The following SLC12A1 variants were observed in gnomAD, a reference collection of about 807,000 sequenced individuals.
SLC12A1 encodes solute carrier family 12 member 1.
In SLC12A1, 89 loss-of-function variants were observed where a neutral mutation model predicts 130.4. The ratio of observed to expected loss-of-function variants is 0.68; its 90% CI spans 0.58 to 0.81. The LOEUF (loss-of-function observed/expected upper bound fraction) is 0.81, where lower values mean the gene tolerates loss of function less well. Ranked by LOEUF, SLC12A1 falls within the 40% of genes least tolerant of loss-of-function variation. The pLI is 0.00. For synonymous variants in SLC12A1, 499 were observed against 460.0 expected, an observed-to-expected ratio of 1.08 and a Z score of -1.09; for missense variants, 1,310 against 1,336.4, an observed-to-expected ratio of 0.98 and a Z score of 0.31.
Position 48,208,125 on chromosome 15 carries a change from GAGC to G in SLC12A1, c.408_410del (p.Gln137del), listed in dbSNP as rs2041004693. 3 of 1,585,574 alleles carry G rather than the reference GAGC, an allele frequency of 1.9e-6. No individual in the cohort carries two copies. In the African/African-American group the frequency reaches 4.1e-5, roughly 21 times the overall value. On this transcript the variant is annotated inframe_deletion, in exon 2 of 27. Coordinates refer to ENST00000380993, the MANE Select transcript of SLC12A1 (RefSeq NM_000338.3). ...CCGACCCAGCCTGCTTGAGATTCAC[GAGC>G]AACTCGCAAAGGTAAGCTTGAAGGA...
intron 5 of SLC12A1, 144 bp downstream of exon 5, chr15:48,226,715 C>A (rs1189082136): frequency 4.5e-6 from 3 of 665,418 alleles, no homozygotes; most frequent in African/African-American, 3.7e-5. Context: ...CCAAAGAAAA[C>A]CTAAGGTACG....
intron 11 of SLC12A1, among the ~76,000 whole-genome samples, chr15:48,246,490 T>C (rs1265016238): frequency 2.0e-5 from 3 of 152,196 alleles, no homozygotes; most frequent in African/African-American, 7.2e-5. Flanking sequence ...AAATTAAGAA[T>C]GTGAGAATGG....
In SLC12A1 at chr15:48,226,346, A is replaced by G. The variant is rs1188715634; in HGVS notation, c.629-130A>G. On this transcript the variant is annotated intron_variant, in intron 4 of 26. Transcript: ENST00000380993. ...CCAGGCAAACCAGTTTCTCCTTAGCACAAAGAAACCCCGTTGGAGCCCGAG... is the reference window on the plus strand; with the variant it reads ...CCAGGCAAACCAGTTTCTCCTTAGCGCAAAGAAACCCCGTTGGAGCCCGAG... 9.6e-5 allele frequency: 57 copies of G among 594,006 alleles called. No individual in the cohort carries two copies. The East Asian group carries it at 1.8e-3, about 18-fold the overall frequency. 36.8% of individuals were successfully genotyped at this position (594,006 alleles called of 1,614,324 possible).
chr15:48,220,138 GA>G (rs2041187676), intron 2 of SLC12A1, among the ~76,000 whole-genome samples: 1 of 127,950 alleles, frequency 7.8e-6, no homozygotes, highest in Admixed American at 7.3e-5. Flanking sequence ...AAGGTAGATA[GA>G]TAGATAGATA....
At chr15:48,208,768 G>T (rs1182450034) in intron 2 of SLC12A1, among the ~76,000 whole-genome samples, 1 of 152,208 alleles carries the variant, frequency 6.6e-6, no homozygotes, top group Non-Finnish European at 1.5e-5. Context: ...CAGTATTAAT[G>T]TCTCTATGTC....
chr15:48,255,721 A>T, intron 15 of SLC12A1, 90 bp from the exon 16 acceptor site: 1 of 834,156 alleles, frequency 1.2e-6, no homozygotes, highest in Non-Finnish European at 1.9e-6. Flanking sequence ...AGCCAAGGAA[A>T]ATCATAGAAG....
intron 26 of SLC12A1, 48 bp downstream of exon 26, chr15:48,301,430 G>A (rs780127500): frequency 7.8e-7 from 1 of 1,281,802 alleles, no homozygotes; most frequent in South Asian, 1.4e-5. Context: ...AAATCTTAGG[G>A]TTAATGGGTT....
intron 18 of SLC12A1, among the ~76,000 whole-genome samples, chr15:48,267,976 C>A (rs2041851703): frequency 6.6e-6 from 1 of 152,162 alleles, no homozygotes; most frequent in Non-Finnish European, 1.5e-5. Flanking sequence ...TATTGAAATG[C>A]AAATTTGTTC....
Position 48,234,912 on chromosome 15 carries a change from A to T in SLC12A1, c.1123A>T (p.Thr375Ser). The stretch of plus-strand genomic sequence containing the variant: ...TGCAGAAAACTTTGGGCCACGCTTC[A>T]CAAAGGGTGAAGGCTTCTTCTCTGT... Reference protein sequence around the residue: ...IFAENFGPRFTKGEGFFSVFA... With the variant: ...IFAENFGPRFSKGEGFFSVFA... Residue 375 changes from threonine (T) to serine (S), a missense_variant, in exon 9 of 27, where the codon ACA (threonine) becomes TCA (serine). Physicochemically the swap from Thr to Ser is moderately conservative, Grantham distance 58. Transcript: ENST00000380993. 1 of 1,613,860 alleles carries T rather than the reference A, an allele frequency of 6.2e-7. No individual in the cohort carries two copies. The highest frequency in any genetic ancestry group is 1.3e-5 in the African/African-American group (1 of 75,022).
chr15:48,274,338 T>C (rs562496520), intron 19 of SLC12A1, among the ~76,000 whole-genome samples: 2 of 152,332 alleles, frequency 1.3e-5, no homozygotes, highest in Admixed American at 1.3e-4. Context: ...ATAGTATTAT[T>C]TGAACAAATT....
At chr15:48,236,331 CCTGAGCATAAAGCAAAGT>C in intron 9 of SLC12A1, among the ~76,000 whole-genome samples, 1 of 152,052 alleles carries the variant, frequency 6.6e-6, no homozygotes, top group East Asian at 1.9e-4. Flanking sequence ...AATTTTTGAA[CCTGAGCATAAAGCAAAGT>C]CTGGATGCTG....
chr15:48,269,141 A>ATGGC (rs1236667489), intron 18 of SLC12A1, among the ~76,000 whole-genome samples: 1 of 152,224 alleles, frequency 6.6e-6, no homozygotes, highest in African/African-American at 2.4e-5. Context: ...GATATGGAAG[A>ATGGC]TGGCTATTAA....
At chr15:48,276,519 A>G (rs2141100126) in intron 20 of SLC12A1, among the ~76,000 whole-genome samples, 1 of 152,310 alleles carries the variant, frequency 6.6e-6, no homozygotes, top group African/African-American at 2.4e-5. Context: ...CTGAGGGGTG[A>G]TCATGTGAAG....
At chr15:48,267,492 C>G in intron 17 of SLC12A1, 69 bp from the exon 18 acceptor site, 1 of 1,558,988 alleles carries the variant, frequency 6.4e-7, no homozygotes, top group Non-Finnish European at 8.8e-7. Context: ...TATTTTTGTC[C>G]TTTAGAAAAC....
chr15:48,269,724 G>C lies in SLC12A1; in HGVS notation c.2362G>C (p.Ala788Pro). Reference sequence around the variant, plus strand: ...TGGATATAAGAAAAACTGGAGGAAAGCTCCCTTGACAGAGATTGAGAACTA... The same window carrying C: ...TGGATATAAGAAAAACTGGAGGAAACCTCCCTTGACAGAGATTGAGAACTA... ...VIGYKKNWRK[A>P]PLTEIENYVG... Residue 788 changes from alanine to proline, a missense_variant, in exon 19 of 27, where the codon GCT becomes CCT. Ala to Pro is a conservative substitution (Grantham distance 27). Coordinates refer to ENST00000380993, the MANE Select transcript of SLC12A1 (RefSeq NM_000338.3). 1 of 1,611,406 alleles carries C rather than the reference G, an allele frequency of 6.2e-7. No individual in the cohort carries two copies. Among genetic ancestry groups the C allele is most frequent in the Non-Finnish European group, 8.5e-7 (1 of 1,177,866 alleles).
intron 7 of SLC12A1, among the ~76,000 whole-genome samples, chr15:48,231,416 A>G (rs2041375981): frequency 6.6e-6 from 1 of 152,176 alleles, no homozygotes; most frequent in Admixed American, 6.5e-5. Flanking sequence ...AAAACACAGA[A>G]CCCTACTTTA....
Position 48,247,399 on chromosome 15 carries a change from C to A in SLC12A1, c.1623C>A (p.Asn541Lys), listed in dbSNP as rs1240745076. ...TTTTTGCAAAGGGATATGGGAAAAA[C>A]AATGAACCCCTGAGAGGATATATTC... ...LQFFAKGYGK[N>K]NEPLRGYILT... The change falls in exon 13 of 27, where the codon AAC becomes AAA. Residue 541 changes from asparagine to lysine, a missense_variant. By Grantham distance (94) the Asn-to-Lys change is moderately conservative. Transcript: ENST00000380993. The A allele has an allele frequency of 5.0e-6, 8 of 1,611,034 alleles. No individual in the cohort carries two copies. Among genetic ancestry groups the A allele is most frequent in the Non-Finnish European group, 6.8e-6 (8 of 1,177,346 alleles).
intron 24 of SLC12A1, among the ~76,000 whole-genome samples, chr15:48,292,714 G>A (rs1044715346): frequency 3.3e-5 from 5 of 152,098 alleles, no homozygotes; most frequent in East Asian, 1.9e-4. Flanking sequence ...TCACATGGTG[G>A]AAAGAATTCT....
intron 8 of SLC12A1, among the ~76,000 whole-genome samples, chr15:48,233,233 T>C (rs1364888527): frequency 2.0e-5 from 3 of 152,204 alleles, no homozygotes; most frequent in African/African-American, 7.2e-5. Context: ...CTAATGTGAC[T>C]GGGTCTCAGA....
Sources: allele counts gnomAD v4.1 joint callset (sites outside exome capture counted in the v4.1 genomes callset), GRCh38; gene constraint gnomAD v4.1.1; transcripts MANE v1.5; gene names NCBI Gene and HGNC (gene_info 2026-07-23, HGNC 2026-07-21).